Variants in SFMBT2 observed in about 807,000 individuals in gnomAD.
SFMBT2 encodes scm-like with four MBT domains protein 2.
In SFMBT2, 38 loss-of-function variants were observed where a neutral mutation model predicts 110.1. The observed-to-expected ratio is 0.35, with a 90% confidence interval of 0.27 to 0.45. The LOEUF is 0.45. SFMBT2 is among the 20% of genes least tolerant of loss of function. SFMBT2 has a pLI of 1.00. For synonymous variants in SFMBT2, 425 were observed against 425.4 expected (o/e 1.00, Z 0.01); for missense variants, 1,011 against 1,094.9 (o/e 0.92, Z 1.08).
intron 1 of SFMBT2, among the ~76,000 whole-genome samples, chr10:7,391,087 G>T (rs1034625245): frequency 2.6e-5 from 4 of 151,926 alleles, no homozygotes; most frequent in Admixed American, 1.3e-4. Flanking sequence ...GCAACAGAGT[G>T]AGACTCCGAC....
At chr10:7,364,671 A>C (rs1354605232) in intron 4 of SFMBT2, among the ~76,000 whole-genome samples, 2 of 152,226 alleles carry the variant, frequency 1.3e-5, no homozygotes, top group African/African-American at 4.8e-5. Context: ...AAACTTGAAG[A>C]GTGAGTCATG....
At chr10:7,377,976 G>C (rs1179102014) in intron 2 of SFMBT2, among the ~76,000 whole-genome samples, 1 of 139,982 alleles carries the variant, frequency 7.1e-6, no homozygotes, top group Non-Finnish European at 1.6e-5. Flanking sequence ...GGGGTTGTGT[G>C]TGTGGGGGGG....
At chr10:7,258,988 G>A (rs1439737729) in intron 7 of SFMBT2, among the ~76,000 whole-genome samples, 1 of 152,200 alleles carries the variant, frequency 6.6e-6, no homozygotes, top group African/African-American at 2.4e-5. Context: ...ATTCAATCAA[G>A]TTAAAAAATA....
rs548305638 is a variant in SFMBT2 at position 7,190,413 on chromosome 10, A to G, written c.1699-1680T>C. Among the ~76,000 whole-genome samples, 6 of 152,346 alleles carry G rather than the reference A, an allele frequency of 3.9e-5. No homozygotes were observed. The East Asian group carries it at 1.2e-3, about 29-fold the overall frequency. On this transcript the variant is annotated intron_variant, in intron 15 of 20. Transcript: ENST00000397167. ...TGTTATTTGCTGCATATCGAGATGC[A>G]TTTTGTGACTGCGAAAAGAAAATGC...
At position 7,347,677 on chromosome 10, in the gene SFMBT2, C is replaced by G. The variant is rs149768927; in HGVS notation, c.436+19972G>C. 3.3e-5 allele frequency among the ~76,000 whole-genome samples: 5 copies of G among 152,138 alleles called. No homozygotes were observed. In the East Asian group the frequency reaches 9.6e-4, roughly 29 times the overall value. On this transcript the variant is annotated intron_variant, in intron 4 of 20. Transcript: ENST00000397167. ...AATGGAAAACAGCTTCTTTTGTTAG[C>G]AGAAAGAGGAGATAAATTGGGAAAC...
intron 2 of SFMBT2, among the ~76,000 whole-genome samples, chr10:7,377,445 T>A (rs971076624): frequency 6.6e-6 from 1 of 152,202 alleles, no homozygotes; most frequent in African/African-American, 2.4e-5. Context: ...ACATTTATTG[T>A]GCACTTTATT....
chr10:7,193,590 C>T (rs1395317397), intron 15 of SFMBT2, among the ~76,000 whole-genome samples: 4 of 151,908 alleles, frequency 2.6e-5, no homozygotes, highest in African/African-American at 7.2e-5. Context: ...GGGTCTGTGT[C>T]TGCAGCTGAA....
intron 9 of SFMBT2, among the ~76,000 whole-genome samples, chr10:7,229,312 G>A (rs1322793844): frequency 6.6e-6 from 1 of 152,148 alleles, no homozygotes; most frequent in African/African-American, 2.4e-5. Context: ...CGGGCGCGGT[G>A]GCTCACGCCT....
At chr10:7,410,148 A>T (rs758361322) in intron 1 of SFMBT2, among the ~76,000 whole-genome samples, 2 of 152,258 alleles carry the variant, frequency 1.3e-5, no homozygotes, top group Admixed American at 6.5e-5. Context: ...AGACAACCGG[A>T]AAGCCCCTAA....
intron 4 of SFMBT2, among the ~76,000 whole-genome samples, chr10:7,331,591 GTCCACTGTGGTGGTAAAGATCCT>G (rs1267730324): frequency 1.3e-5 from 2 of 152,122 alleles, no homozygotes; most frequent in Non-Finnish European, 2.9e-5. Context: ...CTGCCGCCCT[GTCCACTGTGGTGGTAAAGATCCT>G]TCCTCTCTTC....
chr10:7,170,818 G>A lies in SFMBT2; in HGVS notation c.2544+110C>T, dbSNP rs1193732440. ...GGGTCTCGCACACCTGCCGAGCAGCGCCGAAGAACCCCCTCGCAGGTGTCA... is the reference window on the plus strand; with the variant it reads ...GGGTCTCGCACACCTGCCGAGCAGCACCGAAGAACCCCCTCGCAGGTGTCA... On this transcript the variant is annotated intron_variant, in intron 20 of 20. Coordinates refer to ENST00000397167, the MANE Select transcript of SFMBT2 (RefSeq NM_001387889.1). This position sits in a 1 kb window ranked among gnomAD's most constrained non-coding sequence, Gnocchi z 4.6. 8.3e-6 allele frequency: 11 copies of A among 1,330,940 alleles called. No homozygotes were observed. The highest frequency in any genetic ancestry group is 1.4e-5 in the African/African-American group (1 of 69,638). 82.4% of individuals were successfully genotyped at this position (1,330,940 alleles called of 1,614,324 possible).
At chr10:7,216,781 A>T (rs1458176159) in intron 11 of SFMBT2, among the ~76,000 whole-genome samples, 2 of 152,188 alleles carry the variant, frequency 1.3e-5, no homozygotes, top group South Asian at 2.1e-4. Flanking sequence ...GTATCTTAAA[A>T]TGCAACTGTT....
chr10:7,199,756 T>C (rs1417783363), intron 14 of SFMBT2, among the ~76,000 whole-genome samples: 1 of 152,202 alleles, frequency 6.6e-6, no homozygotes, highest in Non-Finnish European at 1.5e-5. Flanking sequence ...GATAATCTCC[T>C]AGTAGGATTC....
chr10:7,255,403 C>T (rs945898420), intron 7 of SFMBT2, among the ~76,000 whole-genome samples: 1 of 152,138 alleles, frequency 6.6e-6, no homozygotes, highest in Non-Finnish European at 1.5e-5. Flanking sequence ...TACAAATATG[C>T]CTGTCACATT....
chr10:7,404,297 C>T (rs1846155672), intron 1 of SFMBT2, among the ~76,000 whole-genome samples: 1 of 152,180 alleles, frequency 6.6e-6, no homozygotes, highest in Non-Finnish European at 1.5e-5. Flanking sequence ...TGGAATTCCA[C>T]ACTCTTGTAT....
chr10:7,175,448 A>G (rs1222565505), intron 17 of SFMBT2, among the ~76,000 whole-genome samples: 1 of 152,224 alleles, frequency 6.6e-6, no homozygotes, highest in Non-Finnish European at 1.5e-5. Context: ...CCTGGGAGAG[A>G]GGCAAAGCCA....
intron 9 of SFMBT2, 103 bp downstream of exon 9, chr10:7,243,455 C>T: frequency 1.3e-6 from 1 of 768,644 alleles, no homozygotes; most frequent in Non-Finnish European, 2.2e-6. Context: ...CATCTAAACC[C>T]TTTACACAAC....
intron 16 of SFMBT2, among the ~76,000 whole-genome samples, chr10:7,186,718 C>T (rs1255586507): frequency 6.6e-6 from 1 of 152,154 alleles, no homozygotes; most frequent in East Asian, 1.9e-4. Context: ...TCTCTCTCCT[C>T]CCATTTGCAC....
At chr10:7,372,525 C>T (rs1445693913) in intron 2 of SFMBT2, among the ~76,000 whole-genome samples, 1 of 152,210 alleles carries the variant, frequency 6.6e-6, no homozygotes, top group African/African-American at 2.4e-5. Context: ...AACAGAAATG[C>T]ACTTCCTGAG....
Sources: allele counts gnomAD v4.1 joint callset (sites outside exome capture counted in the v4.1 genomes callset), GRCh38; gene constraint gnomAD v4.1.1; non-coding constraint Gnocchi (gnomAD v3.1); transcripts MANE v1.5; gene names NCBI Gene and HGNC (gene_info 2026-07-23, HGNC 2026-07-21).